STXBP5L: variants seen among roughly 807,000 people sequenced by gnomAD.
The protein encoded by STXBP5L is syntaxin binding protein 5L, also known as syntaxin-binding protein 5-like.
A neutral mutation model predicts 144.5 loss-of-function variants in STXBP5L; 65 were observed. That is an observed-to-expected ratio of 0.45 (90% CI 0.37 to 0.55). STXBP5L has a LOEUF of 0.55. STXBP5L is among the 20% of genes least tolerant of loss of function. The pLI, the probability that STXBP5L is intolerant of heterozygous loss-of-function variation, is 0.00. For missense variants in STXBP5L, 1,298 were observed against 1,405.5 expected, an observed-to-expected ratio of 0.92 and a Z score of 1.22; for synonymous variants, 505 against 469.6, an observed-to-expected ratio of 1.08 and a Z score of -0.97.
intron 5 of STXBP5L, among the ~76,000 whole-genome samples, chr3:121,072,989 C>T (rs1441463324): frequency 1.3e-5 from 2 of 152,228 alleles, no homozygotes; most frequent in Admixed American, 6.5e-5. Flanking sequence ...ATTAGCTCAG[C>T]TCTTTGGGCC....
chr3:121,072,855 A>G (rs1198446863), intron 5 of STXBP5L, among the ~76,000 whole-genome samples: 3 of 152,068 alleles, frequency 2.0e-5, no homozygotes, highest in African/African-American at 4.8e-5. Context: ...TTCCTTCAGT[A>G]GTTAATAATC....
chr3:121,369,855 C>G (rs1187362568), intron 20 of STXBP5L, among the ~76,000 whole-genome samples: 1 of 152,150 alleles, frequency 6.6e-6, no homozygotes, highest in Non-Finnish European at 1.5e-5. Context: ...CTGGGTTTCT[C>G]TGCATTTACT....
At chr3:121,119,266 T>A (rs987127895) in intron 6 of STXBP5L, among the ~76,000 whole-genome samples, 5 of 151,448 alleles carry the variant, frequency 3.3e-5, no homozygotes, top group Admixed American at 2.0e-4. Flanking sequence ...GTAGTAACTT[T>A]CCTTATGTAG....
chr3:121,063,584 C>T (rs756997944), intron 5 of STXBP5L, among the ~76,000 whole-genome samples: 43 of 152,160 alleles, frequency 2.8e-4, no homozygotes, highest in African/African-American at 9.7e-4. Context: ...GCTGAAGCTG[C>T]GCCAACACCC....
chr3:121,210,552 T>C (rs1442793273), intron 10 of STXBP5L, among the ~76,000 whole-genome samples: 1 of 152,236 alleles, frequency 6.6e-6, no homozygotes, highest in East Asian at 1.9e-4. Context: ...TCTAGGGTTT[T>C]TATGGTTTTA....
intron 20 of STXBP5L, among the ~76,000 whole-genome samples, chr3:121,375,945 C>T (rs1415333653): frequency 2.6e-5 from 4 of 152,064 alleles, no homozygotes; most frequent in African/African-American, 9.7e-5. Context: ...AATTTGTTAG[C>T]ATTAAGAAAA....
chr3:121,296,374 A>G (rs1316836655), intron 19 of STXBP5L, among the ~76,000 whole-genome samples: 2 of 152,200 alleles, frequency 1.3e-5, no homozygotes, highest in African/African-American at 4.8e-5. Flanking sequence ...TCTTCAATCC[A>G]GCTTTCACAG....
intron 2 of STXBP5L, among the ~76,000 whole-genome samples, chr3:120,945,475 T>C (rs1559895047): frequency 6.6e-6 from 1 of 151,912 alleles, no homozygotes; most frequent in Non-Finnish European, 1.5e-5. Context: ...TGTTCAAATA[T>C]AGAAATGATA....
chr3:121,336,104 G>A (rs938351839), intron 20 of STXBP5L, among the ~76,000 whole-genome samples: 1 of 152,190 alleles, frequency 6.6e-6, no homozygotes, highest in East Asian at 1.9e-4. Context: ...GTGGTTAAAG[G>A]ATATGAATAG....
rs527771673 is a variant in STXBP5L at position 121,312,120 on chromosome 3, T to C, written c.2111-6355T>C. On this transcript the variant is annotated intron_variant, in intron 19 of 26. Transcript: ENST00000471454. Reference sequence around the variant, plus strand: ...GGATTCCCTATTTAATAAATGATGCTGGGAAAACTGGCTAGCCATATGTAG... The same window carrying C: ...GGATTCCCTATTTAATAAATGATGCCGGGAAAACTGGCTAGCCATATGTAG... Among the ~76,000 whole-genome samples, 10 of 152,286 alleles carry C rather than the reference T, an allele frequency of 6.6e-5. No homozygotes were observed. In the South Asian group the frequency reaches 1.7e-3, roughly 25 times the overall value.
At chr3:121,192,969 A>G (rs541792643) in intron 9 of STXBP5L, among the ~76,000 whole-genome samples, 9 of 150,576 alleles carry the variant, frequency 6.0e-5, no homozygotes, top group African/African-American at 2.2e-4. Flanking sequence ...AAAATTGACA[A>G]ATGGGATCTA....
intron 9 of STXBP5L, among the ~76,000 whole-genome samples, chr3:121,176,985 C>G (rs1165023969): frequency 1.3e-5 from 2 of 151,784 alleles, no homozygotes; most frequent in African/African-American, 2.4e-5. Flanking sequence ...TTTGAAAGAC[C>G]TACTTTGTGT....
chr3:121,262,886 C>T (rs1234025909), intron 18 of STXBP5L, among the ~76,000 whole-genome samples: 1 of 152,066 alleles, frequency 6.6e-6, no homozygotes, highest in Non-Finnish European at 1.5e-5. Context: ...TGGCTGTGGG[C>T]ACAGTTTCAG....
At position 121,230,918 on chromosome 3, in the gene STXBP5L, TGAA is replaced by T. The variant is rs367550062; in HGVS notation, c.1112-2693_1112-2691del. On this transcript the variant is annotated intron_variant, in intron 11 of 26. Coordinates refer to ENST00000471454, the MANE Select transcript of STXBP5L (RefSeq NM_001308330.2). Reference sequence around the variant, plus strand: ...GACCGGCAGGAAGAGAGGAGCTAGTTGAAGAAGGTTAGCTCTAGAATCAATTAG... The same window carrying T: ...GACCGGCAGGAAGAGAGGAGCTAGTTGAAGGTTAGCTCTAGAATCAATTAG... Among the ~76,000 whole-genome samples the T allele has an allele frequency of 1.4e-3, 209 of 152,252 alleles. 1 individual carries two copies. Among genetic ancestry groups the T allele is most frequent in the African/African-American group, 4.8e-3 (201 of 41,568 alleles).
At chr3:121,095,689 A>G (rs963310769) in intron 5 of STXBP5L, among the ~76,000 whole-genome samples, 2 of 152,114 alleles carry the variant, frequency 1.3e-5, no homozygotes, top group African/African-American at 4.8e-5. Context: ...CCATTCGTCT[A>G]TTCTTTTTTC....
At chr3:121,145,600 A>G (rs1577059498) in intron 7 of STXBP5L, among the ~76,000 whole-genome samples, 1 of 152,084 alleles carries the variant, frequency 6.6e-6, no homozygotes, top group East Asian at 1.9e-4. Context: ...TTATATAAGA[A>G]CAGAGATGAA....
chr3:120,944,997 A>G (rs1016400707), intron 2 of STXBP5L, among the ~76,000 whole-genome samples: 7 of 151,848 alleles, frequency 4.6e-5, no homozygotes, highest in Non-Finnish European at 8.8e-5. Flanking sequence ...ACCTTTCTCA[A>G]CAATGAGAGT....
chr3:121,157,645 A>T lies in STXBP5L; in HGVS notation c.877+18A>T. ...TCCACATGGTAAGATGTATGCTTTC[A>T]AAAGGAATAAACACTGGCAATTCAG... On this transcript the variant is annotated intron_variant, in intron 9 of 26. Coordinates refer to ENST00000471454, the MANE Select transcript of STXBP5L (RefSeq NM_001308330.2). 2 of 1,591,000 alleles carry T rather than the reference A, an allele frequency of 1.3e-6. No homozygotes were observed. The highest frequency in any genetic ancestry group is 1.2e-5 in the South Asian group (1 of 86,668).
chr3:121,164,092 C>T (rs558763139), intron 9 of STXBP5L, among the ~76,000 whole-genome samples: 4 of 152,182 alleles, frequency 2.6e-5, no homozygotes, highest in African/African-American at 7.2e-5. Context: ...AAACCCCATA[C>T]CCACTAGCAG....
Sources: gnomAD v4.1 joint callset for allele counts (sites outside exome capture counted in the v4.1 genomes callset) on GRCh38, gnomAD v4.1.1 for gene constraint, MANE v1.5 for transcripts, NCBI Gene and HGNC (gene_info 2026-07-23, HGNC 2026-07-21) for gene names.